TENT2: variants seen among roughly 807,000 people sequenced by gnomAD.
The protein encoded by TENT2 is terminal nucleotidyltransferase 2.
In TENT2, 44 loss-of-function variants were observed where a neutral mutation model predicts 72.2. The observed-to-expected ratio is 0.61, with a 90% confidence interval of 0.48 to 0.78. The LOEUF (loss-of-function observed/expected upper bound fraction) is 0.78, where lower values mean the gene tolerates loss of function less well. Ranked by LOEUF, TENT2 falls within the 30% of genes least tolerant of loss-of-function variation. The pLI is 0.00. For missense variants in TENT2, 541 were observed against 569.6 expected, an observed-to-expected ratio of 0.95 and a Z score of 0.51; for synonymous variants, 212 against 192.5, an observed-to-expected ratio of 1.10 and a Z score of -0.84.
chr5:79,669,832 GT>G (rs1811527061), intron 12 of TENT2, among the ~76,000 whole-genome samples: 1 of 151,530 alleles, frequency 6.6e-6, no homozygotes, highest in East Asian at 1.9e-4. Context: ...ATTTCATTCC[GT>G]TTACATAATT....
intron 11 of TENT2, among the ~76,000 whole-genome samples, chr5:79,665,553 T>C (rs540747018): frequency 6.6e-6 from 1 of 152,160 alleles, no homozygotes; most frequent in African/African-American, 2.4e-5. Flanking sequence ...TTCTATTTAA[T>C]TTTTTTTAAC....
intron 11 of TENT2, among the ~76,000 whole-genome samples, chr5:79,658,802 A>G (rs1799817008): frequency 6.6e-6 from 1 of 152,148 alleles, no homozygotes; most frequent in Non-Finnish European, 1.5e-5. Flanking sequence ...GAATGCTTTC[A>G]TAATACTCAG....
intron 11 of TENT2, among the ~76,000 whole-genome samples, chr5:79,662,608 C>A (rs1232084909): frequency 6.6e-6 from 1 of 152,166 alleles, no homozygotes; most frequent in Non-Finnish European, 1.5e-5. Flanking sequence ...TGAGTAGGTG[C>A]ATTGTCAATG....
intron 7 of TENT2, 74 bp downstream of exon 7, chr5:79,642,984 T>C (rs1785631078): frequency 2.6e-6 from 4 of 1,553,790 alleles, no homozygotes; most frequent in Non-Finnish European, 3.5e-6. Context: ...CATTATCTTC[T>C]GGTAAGAACT....
chr5:79,659,745 C>G lies in TENT2; in HGVS notation c.1071+2744C>G, dbSNP rs370359402. 2.0e-4 allele frequency among the ~76,000 whole-genome samples: 31 copies of G among 151,254 alleles called. No homozygotes were observed. In the South Asian group the frequency reaches 5.0e-3, roughly 25 times the overall value. ...TTTTAGAAATGTTACATGATTGATACAAGTGGTACTAACAATTTTTCCATT... is the reference window on the plus strand; with the variant it reads ...TTTTAGAAATGTTACATGATTGATAGAAGTGGTACTAACAATTTTTCCATT... On this transcript the variant is annotated intron_variant, in intron 11 of 14. Coordinates refer to ENST00000453514, the MANE Select transcript of TENT2 (RefSeq NM_001114394.3).
chr5:79,646,884 T>C (rs972694465), intron 8 of TENT2, among the ~76,000 whole-genome samples: 4 of 151,882 alleles, frequency 2.6e-5, no homozygotes, highest in African/African-American at 9.7e-5. Flanking sequence ...TCCTCCCATC[T>C]CAGCCTACTG....
chr5:79,651,166 C>G (rs1793658647), intron 10 of TENT2, among the ~76,000 whole-genome samples: 1 of 151,520 alleles, frequency 6.6e-6, no homozygotes, highest in Non-Finnish European at 1.5e-5. Context: ...TTTTTTCTGG[C>G]TTTTGTTTTT....
chr5:79,659,947 C>T (rs1801455673), intron 11 of TENT2, among the ~76,000 whole-genome samples: 1 of 151,718 alleles, frequency 6.6e-6, no homozygotes, highest in African/African-American at 2.4e-5. Context: ...GATAAGTTAA[C>T]AACAACGAAA....
intron 6 of TENT2, among the ~76,000 whole-genome samples, chr5:79,642,426 G>A (rs1785197930): frequency 6.6e-6 from 1 of 151,676 alleles, no homozygotes; most frequent in South Asian, 2.1e-4. Flanking sequence ...AAATCATGAT[G>A]TCATAGCTTT....
At position 79,659,507 on chromosome 5, in the gene TENT2, C is replaced by T. The variant is rs1205327621; in HGVS notation, c.1071+2506C>T. 1.4e-4 allele frequency among the ~76,000 whole-genome samples: 16 copies of T among 117,156 alleles called. No homozygotes were observed. In the South Asian group the frequency reaches 3.2e-3, roughly 23 times the overall value. 76.9% of individuals were successfully genotyped at this position (117,156 alleles called of 152,430 possible). On this transcript the variant is annotated intron_variant, in intron 11 of 14. Transcript: ENST00000453514. Reference sequence around the variant, plus strand: ...AGATTGCGCCACTGTACTCCAGCCTCGGCGACAGAGCGAGACTCTGTCTCA... The same window carrying T: ...AGATTGCGCCACTGTACTCCAGCCTTGGCGACAGAGCGAGACTCTGTCTCA...
At chr5:79,655,393 A>G (rs573984485) in intron 10 of TENT2, among the ~76,000 whole-genome samples, 15 of 152,210 alleles carry the variant, frequency 9.9e-5, no homozygotes, top group African/African-American at 3.4e-4. Flanking sequence ...CATTCTAGTT[A>G]TGGTACCAGA....
At position 79,642,861 on chromosome 5, in the gene TENT2, A is replaced by G; in HGVS notation, c.702A>G (p.Glu234=). The part of the protein sequence containing the change: ...PCFFQVNQKT[E]ARHILTLVHK... ...TTTTTCAGGTAAATCAGAAGACTGA[A>G]GCACGGCATATACTCACCTTAGTCC... The change falls in exon 7 of 15, where the codon GAA becomes GAG. Residue 234 remains glutamate (E), a synonymous_variant. Transcript: ENST00000453514. 2 of 1,611,878 alleles carry G rather than the reference A, an allele frequency of 1.2e-6. No homozygotes were observed. The highest frequency in any genetic ancestry group is 1.7e-6 in the Non-Finnish European group (2 of 1,179,108).
intron 4 of TENT2, among the ~76,000 whole-genome samples, chr5:79,632,580 A>T (rs1445286084): frequency 6.6e-6 from 1 of 152,200 alleles, no homozygotes; most frequent in Non-Finnish European, 1.5e-5. Flanking sequence ...TTGAGTTGAA[A>T]TGAGGTTAGG....
intron 3 of TENT2, among the ~76,000 whole-genome samples, chr5:79,622,278 G>C (rs1765718948): frequency 6.6e-6 from 1 of 151,902 alleles, no homozygotes; most frequent in South Asian, 2.1e-4. Flanking sequence ...CTCTAGCCCG[G>C]CAACAGAGGA....
chr5:79,633,997 C>CAA (rs562252526), intron 4 of TENT2, among the ~76,000 whole-genome samples: 57 of 70,478 alleles, frequency 8.1e-4, no homozygotes, highest in South Asian at 1.7e-3. Flanking sequence ...ACTAAAAATA[C>CAA]AAAAAAAAAA....
chr5:79,684,993 G>C (rs777527517), intron 14 of TENT2, among the ~76,000 whole-genome samples: 1 of 152,178 alleles, frequency 6.6e-6, no homozygotes, highest in Non-Finnish European at 1.5e-5. Flanking sequence ...GGAAAGCGGA[G>C]GTTGTAGTGA....
chr5:79,629,826 CA>C (rs767977770), intron 4 of TENT2, among the ~76,000 whole-genome samples: 3 of 128,744 alleles, frequency 2.3e-5, no homozygotes, highest in Admixed American at 8.1e-5. Flanking sequence ...GACTCTGTCT[CA>C]AAAAAAAAAT....
intron 4 of TENT2, among the ~76,000 whole-genome samples, chr5:79,638,837 G>A (rs1056327320): frequency 1.1e-4 from 17 of 152,106 alleles, no homozygotes; most frequent in Non-Finnish European, 2.2e-4. Context: ...TAGTTGCTCT[G>A]TCTTTTGTGG....
chr5:79,654,589 C>A (rs1796574339), intron 10 of TENT2, among the ~76,000 whole-genome samples: 1 of 151,932 alleles, frequency 6.6e-6, no homozygotes, highest in African/African-American at 2.4e-5. Context: ...CGTGGCGAAA[C>A]CCTGTCTCTA....
Sources: gnomAD v4.1 joint callset for allele counts (sites outside exome capture counted in the v4.1 genomes callset) on GRCh38, gnomAD v4.1.1 for gene constraint, MANE v1.5 for transcripts, NCBI Gene and HGNC (gene_info 2026-07-23, HGNC 2026-07-21) for gene names.